The following ASXL1 variants were observed in gnomAD, a reference collection of about 807,000 sequenced individuals.
ASXL1 encodes the protein polycomb group protein ASXL1.
A neutral mutation model predicts 89.1 loss-of-function variants in ASXL1; 65 were observed. That is an observed-to-expected ratio of 0.73 (90% CI 0.60 to 0.90). The LOEUF (loss-of-function observed/expected upper bound fraction) is 0.90. ASXL1 is among the 40% of genes least tolerant of loss of function. ASXL1 has a pLI of 0.00. For missense variants in ASXL1, 1,786 were observed against 1,942.9 expected (o/e 0.92, Z 1.52); for synonymous variants, 739 against 746.9 (o/e 0.99, Z 0.17).
chr20:32,371,944 T>C (rs2048306811), intron 4 of ASXL1: 1 of 375,820 alleles, frequency 2.7e-6, no homozygotes, highest in African/African-American at 2.1e-5. Flanking sequence ...TGTAATTATA[T>C]ATAGTTATAA....
At chr20:32,389,579 C>T (rs1308618397) in intron 4 of ASXL1, among the ~76,000 whole-genome samples, 1 of 152,100 alleles carries the variant, frequency 6.6e-6, no homozygotes, top group Admixed American at 6.6e-5. Flanking sequence ...ACCACCGCCC[C>T]CCTGCCCCGC....
At chr20:32,365,533 A>G (rs990017652) in intron 1 of ASXL1, among the ~76,000 whole-genome samples, 1 of 152,138 alleles carries the variant, frequency 6.6e-6, no homozygotes, top group African/African-American at 2.4e-5. Context: ...GGACTGTAAG[A>G]TGTTAGCTTG....
chr20:32,364,006 T>C (rs1206724014), intron 1 of ASXL1, among the ~76,000 whole-genome samples: 1 of 152,162 alleles, frequency 6.6e-6, no homozygotes, highest in African/African-American at 2.4e-5. Flanking sequence ...TTGTCTCTAA[T>C]CTGTCCAACA....
chr20:32,435,763 C>T lies in ASXL1; in HGVS notation c.3051C>T (p.Asp1017=). The change falls in exon 13 of 13, where the codon GAC becomes GAT. Residue 1017 remains aspartate (D), a synonymous_variant. Transcript: ENST00000375687. ...TCACGGAGGACAGCAGTGAGGCTGA[C>T]ACTAGAGAAGCTGCAGTGACAAAGG... The part of the protein sequence containing the change: ...GHLTEDSSEA[D]TREAAVTKGS... The T allele has an allele frequency of 1.2e-6, 2 of 1,614,166 alleles. No individual in the cohort carries two copies. The highest frequency in any genetic ancestry group is 1.7e-6 in the Non-Finnish European group (2 of 1,180,036).
chr20:32,359,530 A>T, intron 1 of ASXL1: 1 of 646,590 alleles, frequency 1.5e-6, no homozygotes, highest in South Asian at 1.8e-5. Context: ...AGGTGATTCA[A>T]ACGCAGTGGC....
rs1555912419 is a variant in ASXL1, at chr20:32,435,823, G to A, written c.3111G>A (p.Trp1037Ter). 1.2e-6 allele frequency: 2 copies of A among 1,614,160 alleles called. No homozygotes were observed. The highest frequency in any genetic ancestry group is 1.7e-6 in the Non-Finnish European group (2 of 1,180,020). ...TGGACAAGGATGAGAAACCCAATTG[G>A]AACCAATCTGCCCCACTGTCCAAGG... is the stretch of plus-strand genomic sequence containing the variant. ...SSVDKDEKPN[W>*]NQSAPLSKVN... Residue 1037 changes from tryptophan to a stop codon, truncating the protein, a stop_gained, in exon 13 of 13, where the codon TGG becomes TGA. Coordinates refer to ENST00000375687, the MANE Select transcript of ASXL1 (RefSeq NM_015338.6). LOFTEE classifies it low-confidence loss of function (END_TRUNC).
chr20:32,383,290 T>A (rs2048520131), intron 4 of ASXL1, among the ~76,000 whole-genome samples: 2 of 152,042 alleles, frequency 1.3e-5, no homozygotes, highest in South Asian at 4.2e-4. Context: ...ATATTGGCAT[T>A]TATAGTTGTT....
intron 4 of ASXL1, among the ~76,000 whole-genome samples, chr20:32,408,321 T>C (rs993301202): frequency 1.3e-5 from 2 of 152,214 alleles, no homozygotes. Context: ...TTTGTTGAAA[T>C]GATGTTCCCC....
chr20:32,396,300 A>G (rs1464930452), intron 4 of ASXL1, among the ~76,000 whole-genome samples: 1 of 152,140 alleles, frequency 6.6e-6, no homozygotes, highest in African/African-American at 2.4e-5. Context: ...TAGATGAAAG[A>G]CATTGTGAAT....
intron 4 of ASXL1, chr20:32,372,142 T>C: frequency 7.4e-7 from 1 of 1,347,368 alleles, no homozygotes; most frequent in Non-Finnish European, 9.9e-7. Flanking sequence ...CTGAATTATA[T>C]TTCTTCATCT....
chr20:32,426,541 C>CTTTTTTTTTGTTTTTTTTTTTT (rs1014372390), intron 4 of ASXL1, among the ~76,000 whole-genome samples: 1 of 92,564 alleles, frequency 1.1e-5, no homozygotes, highest in Non-Finnish European at 2.3e-5. Flanking sequence ...AAACTGTTTT[C>CTTTTTTTTTGTTTTTTTTTTTT]TTTTTTTTCT....
rs2011469241 is a variant in ASXL1, at chr20:32,429,969, C to T, written c.634C>T (p.Leu212=). The T allele has an allele frequency of 6.2e-7, 1 of 1,609,220 alleles. No homozygotes were observed. Among genetic ancestry groups the T allele is most frequent in the East Asian group, 2.2e-5 (1 of 44,872 alleles). ...CAGCAGCAGCAGCGGCTCTCTGGCC[C>T]TGGGCAGCGCTGCTATTCGTGGCCA... ...PSSSSSGSLA[L]GSAAIRGQAE... Residue 212 remains leucine, a synonymous_variant, in exon 8 of 13, where the codon CTG becomes TTG. Transcript: ENST00000375687. The surrounding 1 kb of genome is among the most constrained non-coding windows in gnomAD (Gnocchi z 4.9).
Position 32,437,459 on chromosome 20 carries a change from T to TC in ASXL1, c.*126dup. 1.4e-6 allele frequency: 2 copies of TC among 1,450,542 alleles called. No individual in the cohort carries two copies. Among genetic ancestry groups the TC allele is most frequent in the Non-Finnish European group, 1.9e-6 (2 of 1,045,768 alleles). The allele number at this position is 1,450,542 out of a possible 1,614,324, so 89.9% of individuals were successfully genotyped here. A position where few individuals can be genotyped will look rare whatever the true frequency, so the allele number is the denominator to read the frequency against. On this transcript the variant is annotated 3_prime_UTR_variant, in exon 13 of 13. Transcript: ENST00000375687. ...TCTTTAGGCAGGAGCACTCTTGCCT[T>TC]CCCCCAAAATTTACACTGCTAAAGC... is the stretch of plus-strand genomic sequence containing the variant.
At chr20:32,378,390 T>C (rs1267150060) in intron 4 of ASXL1, among the ~76,000 whole-genome samples, 2 of 152,048 alleles carry the variant, frequency 1.3e-5, no homozygotes, top group African/African-American at 2.4e-5. Flanking sequence ...GGCGTCAGGT[T>C]GGCACTCCAA....
rs117307643 is a variant in ASXL1 at position 32,439,308 on chromosome 20, G to A, written c.*1970G>A. ...CTTGTGGTATTGGAACAATAAACCC[G>A]TACAACCTGCAGTTGTGGTCTCAGT... On this transcript the variant is annotated 3_prime_UTR_variant, in exon 13 of 13. Transcript: ENST00000375687. 9.6e-3 allele frequency: 2,221 copies of A among 230,540 alleles called. 16 individuals are homozygous for A. The highest frequency in any genetic ancestry group is 0.015 in the Non-Finnish European group (1,700 of 116,174). The allele number at this position is 230,540 out of a possible 1,614,324, so 14.3% of individuals were successfully genotyped here. A position where few individuals can be genotyped will look rare whatever the true frequency, so the allele number is the denominator to read the frequency against.
At chr20:32,366,694 G>C (rs889268103) in intron 2 of ASXL1, 2 of 540,996 alleles carry the variant, frequency 3.7e-6, no homozygotes, top group Middle Eastern at 9.4e-4. Context: ...CCATCTCCTT[G>C]TTCTTCCTTA....
At chr20:32,365,975 T>C (rs6058665) in intron 1 of ASXL1, among the ~76,000 whole-genome samples, 12 of 151,996 alleles carry the variant, frequency 7.9e-5, no homozygotes, top group African/African-American at 2.7e-4. Context: ...AATACAAAAA[T>C]TAGTGTGTGT....
At position 32,429,635 on chromosome 20, in the gene ASXL1, G is replaced by A. The variant is rs902141652; in HGVS notation, c.565+204G>A. On this transcript the variant is annotated intron_variant, in intron 7 of 12. Coordinates refer to ENST00000375687, the MANE Select transcript of ASXL1 (RefSeq NM_015338.6). This position sits in a 1 kb window ranked among gnomAD's most constrained non-coding sequence, Gnocchi z 4.9. ...TTCCTCTTTGTCTCCCAGGGCAGTC[G>A]TGAGGATCCAACGGAGGATTTGATT... The A allele has an allele frequency of 7.0e-6, 5 of 715,064 alleles. No individual in the cohort carries two copies. Among genetic ancestry groups the A allele is most frequent in the South Asian group, 5.3e-5 (3 of 56,736 alleles). 44.3% of individuals were successfully genotyped at this position (715,064 alleles called of 1,614,324 possible). A position where few individuals can be genotyped will look rare whatever the true frequency, so the allele number is the denominator to read the frequency against.
chr20:32,417,357 C>T (rs566930790), intron 4 of ASXL1, among the ~76,000 whole-genome samples: 12 of 152,300 alleles, frequency 7.9e-5, no homozygotes, highest in African/African-American at 2.6e-4. Context: ...TTGATAGAAA[C>T]TCCTTTCTTA....
Sources: allele counts gnomAD v4.1 joint callset (sites outside exome capture counted in the v4.1 genomes callset), GRCh38; gene constraint gnomAD v4.1.1; non-coding constraint Gnocchi (gnomAD v3.1); transcripts MANE v1.5; gene names NCBI Gene and HGNC (gene_info 2026-07-23, HGNC 2026-07-21).